LAMC1: variants seen among roughly 807,000 people sequenced by gnomAD.
LAMC1 encodes the protein laminin subunit gamma 1, also known as laminin subunit gamma-1.
In LAMC1, 38 loss-of-function variants were observed where a neutral mutation model predicts 173.6. The ratio of observed to expected loss-of-function variants is 0.22; its 90% CI spans 0.17 to 0.29. LAMC1 has a LOEUF of 0.29. Ranked by LOEUF, LAMC1 falls within the 10% of genes least tolerant of loss-of-function variation. The probability of loss-of-function intolerance (pLI) is 1.00; values close to 1 mark genes in which losing one functional copy is unlikely to be tolerated. For missense variants in LAMC1, 1,824 were observed against 2,051.8 expected (o/e 0.89, Z 2.14); for synonymous variants, 746 against 749.1 (o/e 1.00, Z 0.07).
At chr1:183,113,358 A>G (rs907319440) in intron 4 of LAMC1, among the ~76,000 whole-genome samples, 1 of 151,890 alleles carries the variant, frequency 6.6e-6, no homozygotes, top group Admixed American at 6.6e-5. Flanking sequence ...AGAAGTCTGC[A>G]TTAAAAAAGA....
intron 26 of LAMC1, chr1:183,138,241 G>A (rs529607402): frequency 2.1e-6 from 2 of 962,490 alleles, no homozygotes; most frequent in African/African-American, 1.8e-5. Context: ...TTTGAAGATG[G>A]CATTGTCTAC....
chr1:183,135,561 A>G (rs1182646833), intron 24 of LAMC1, among the ~76,000 whole-genome samples: 3 of 152,216 alleles, frequency 2.0e-5, no homozygotes, highest in Non-Finnish European at 2.9e-5. Flanking sequence ...GGTTCTATAA[A>G]TAGAGAAGCT....
intron 1 of LAMC1, among the ~76,000 whole-genome samples, chr1:183,061,976 AT>A (rs1654754754): frequency 6.6e-6 from 1 of 152,268 alleles, no homozygotes; most frequent in Non-Finnish European, 1.5e-5. Context: ...TTTTCTGACT[AT>A]AGTGCCAGTT....
At chr1:183,071,099 T>G (rs1009747951) in intron 1 of LAMC1, among the ~76,000 whole-genome samples, 63 of 152,020 alleles carry the variant, frequency 4.1e-4, no homozygotes, top group African/African-American at 1.5e-3. Flanking sequence ...TTTGTTTTTT[T>G]TTTTTTGAGT....
rs1656858428 is a variant in LAMC1 at position 183,133,563 on chromosome 1, C to G, written c.3849+13C>G. ...TGAGACACTGGAGGTATGGGGGCAG[C>G]CTGTACGCACAGCCCCACCCCGTCT... On this transcript the variant is annotated intron_variant, in intron 22 of 27. Coordinates refer to ENST00000258341, the MANE Select transcript of LAMC1 (RefSeq NM_002293.4). The G allele has an allele frequency of 6.2e-7, 1 of 1,601,282 alleles. No individual in the cohort carries two copies. Among genetic ancestry groups the G allele is most frequent in the Non-Finnish European group, 8.5e-7 (1 of 1,171,620 alleles).
chr1:183,120,747 A>G (rs942318645), intron 11 of LAMC1, among the ~76,000 whole-genome samples: 8 of 152,334 alleles, frequency 5.3e-5, no homozygotes, highest in Middle Eastern at 6.8e-3. Flanking sequence ...TAGAAATGGA[A>G]AAGCATTGAG....
intron 11 of LAMC1, among the ~76,000 whole-genome samples, chr1:183,119,336 C>T (rs748499458): frequency 3.9e-5 from 6 of 151,992 alleles, no homozygotes; most frequent in Non-Finnish European, 8.8e-5. Flanking sequence ...TTTTGAAATG[C>T]CTGCATGAAT....
chr1:183,046,943 A>C (rs569721546), intron 1 of LAMC1, among the ~76,000 whole-genome samples: 1 of 152,218 alleles, frequency 6.6e-6, no homozygotes, highest in East Asian at 1.9e-4. Flanking sequence ...ATTCTGTTGC[A>C]TAATATTTAT....
rs1227575825 is a variant in LAMC1, at chr1:183,134,148, T to C, written c.3850-512T>C. On this transcript the variant is annotated intron_variant, in intron 22 of 27. Transcript: ENST00000258341. Reference sequence around the variant, plus strand: ...ATGGATTCTCACTCCAAGCTCTGTATAAATGGTATTTTTTTTGCATTAAGC... The same window carrying C: ...ATGGATTCTCACTCCAAGCTCTGTACAAATGGTATTTTTTTTGCATTAAGC... Among the ~76,000 whole-genome samples, 3 of 152,364 alleles carry C rather than the reference T, an allele frequency of 2.0e-5. No individual in the cohort carries two copies. In the East Asian group the frequency reaches 5.8e-4, roughly 29 times the overall value.
chr1:183,111,325 G>A (rs866152194), intron 4 of LAMC1, among the ~76,000 whole-genome samples: 8 of 152,108 alleles, frequency 5.3e-5, no homozygotes, highest in Admixed American at 3.9e-4. Flanking sequence ...GACCTCAGGT[G>A]ATCCACCTGC....
intron 1 of LAMC1, among the ~76,000 whole-genome samples, chr1:183,096,187 G>A (rs1398959902): frequency 6.6e-6 from 1 of 151,114 alleles, no homozygotes; most frequent in African/African-American, 2.4e-5. Context: ...TATTTTGAGG[G>A]TGATAGGGAA....
At chr1:183,030,411 A>G (rs1274964299) in intron 1 of LAMC1, among the ~76,000 whole-genome samples, 3 of 152,216 alleles carry the variant, frequency 2.0e-5, no homozygotes, top group Non-Finnish European at 4.4e-5. Flanking sequence ...CTCCAGTGAC[A>G]CTTGTCTGGC....
chr1:183,114,748 C>T, intron 5 of LAMC1, 29 bp downstream of exon 5: 2 of 1,602,348 alleles, frequency 1.2e-6, no homozygotes, highest in Non-Finnish European at 8.5e-7. Context: ...GATTGAAAGA[C>T]AAAATGATAG....
Position 183,116,649 on chromosome 1 carries a change from C to T in LAMC1, c.1401C>T (p.Asp467=). 1.2e-6 allele frequency: 2 copies of T among 1,613,368 alleles called. No individual in the cohort carries two copies. Among genetic ancestry groups the T allele is most frequent in the Non-Finnish European group, 8.5e-7 (1 of 1,179,350 alleles). ...AAACAGGAAGATGTGTTTGCAAAGACAATGTCGAAGGCTTCAATTGTGAAA... is the reference window on the plus strand; with the variant it reads ...AAACAGGAAGATGTGTTTGCAAAGATAATGTCGAAGGCTTCAATTGTGAAA... The part of the protein sequence containing the change: ...NIETGRCVCK[D]NVEGFNCERC... The change falls in exon 7 of 28, where the codon GAC becomes GAT. Residue 467 remains aspartate, a synonymous_variant. Coordinates refer to ENST00000258341, the MANE Select transcript of LAMC1 (RefSeq NM_002293.4).
At chr1:183,126,004 C>G in intron 15 of LAMC1, 116 bp from the exon 16 acceptor site, 2 of 972,648 alleles carry the variant, frequency 2.1e-6, no homozygotes, top group South Asian at 1.7e-5. Flanking sequence ...GTAACCCTTA[C>G]CATTCAGTTT....
intron 1 of LAMC1, among the ~76,000 whole-genome samples, chr1:183,079,853 A>G (rs1340237110): frequency 6.6e-6 from 1 of 152,212 alleles, no homozygotes; most frequent in Non-Finnish European, 1.5e-5. Flanking sequence ...AATTCTGCCA[A>G]AAAGAAACAT....
chr1:183,131,641 A>G (rs568598634), intron 20 of LAMC1, among the ~76,000 whole-genome samples: 1 of 152,318 alleles, frequency 6.6e-6, no homozygotes, highest in Admixed American at 6.5e-5. Context: ...TATATTTCTC[A>G]AAACCATAAT....
intron 1 of LAMC1, among the ~76,000 whole-genome samples, chr1:183,087,477 A>G (rs1655460785): frequency 6.6e-6 from 1 of 152,236 alleles, no homozygotes; most frequent in African/African-American, 2.4e-5. Context: ...AGGTACTGAT[A>G]ATACCATGAA....
chr1:183,088,462 T>A (rs779333638), intron 1 of LAMC1, among the ~76,000 whole-genome samples: 2 of 152,222 alleles, frequency 1.3e-5, no homozygotes, highest in African/African-American at 2.4e-5. Context: ...TCAGATTGCA[T>A]CATGGATAGT....
Sources: allele counts gnomAD v4.1 joint callset (sites outside exome capture counted in the v4.1 genomes callset), GRCh38; gene constraint gnomAD v4.1.1; transcripts MANE v1.5; gene names NCBI Gene and HGNC (gene_info 2026-07-23, HGNC 2026-07-21).